The following SOX6 variants were observed in gnomAD, a reference collection of about 807,000 sequenced individuals.
SOX6 encodes transcription factor SOX-6.
In SOX6, 11 loss-of-function variants were observed where a neutral mutation model predicts 97.8. The ratio of observed to expected loss-of-function variants is 0.11; its 90% CI spans 0.07 to 0.19. The LOEUF (loss-of-function observed/expected upper bound fraction) is 0.19, where lower values mean the gene tolerates loss of function less well. Among genes scored for constraint, SOX6 ranks in the 10% least tolerant of loss-of-function variants. The pLI is 1.00. For missense variants in SOX6, 810 were observed against 1,039.5 expected (o/e 0.78, Z 3.04); for synonymous variants, 360 against 371.4 (o/e 0.97, Z 0.35).
chr11:16,525,121 G>GA (rs1462516012), intron 4 of SOX6, among the ~76,000 whole-genome samples: 1 of 152,052 alleles, frequency 6.6e-6, no homozygotes, highest in Non-Finnish European at 1.5e-5. Context: ...CACAGAATTG[G>GA]AAAAAACTAC....
chr11:16,367,784 A>G (rs532583643), intron 1 of SOX6, among the ~76,000 whole-genome samples: 6 of 152,328 alleles, frequency 3.9e-5, no homozygotes, highest in African/African-American at 1.4e-4. Flanking sequence ...ATTAGCATAA[A>G]GAGAAACTGT....
intron 1 of SOX6, among the ~76,000 whole-genome samples, chr11:16,442,276 T>C (rs1445054236): frequency 6.6e-6 from 1 of 152,210 alleles, no homozygotes; most frequent in Non-Finnish European, 1.5e-5. Context: ...GAAGAAATTA[T>C]AGTTTCTCTA....
intron 2 of SOX6, among the ~76,000 whole-genome samples, chr11:16,720,237 T>G (rs1412108955): frequency 3.4e-5 from 5 of 149,250 alleles, no homozygotes; most frequent in Non-Finnish European, 4.4e-5. Context: ...TAAAGACACA[T>G]GCACACGTAT....
chr11:16,063,515 TATATA>T (rs1165496402), intron 9 of SOX6, among the ~76,000 whole-genome samples: 3 of 51,280 alleles, frequency 5.9e-5, no homozygotes, highest in Non-Finnish European at 1.1e-4. Flanking sequence ...TATATATATA[TATATA>T]TATATATATA....
At chr11:16,152,536 A>G (rs894168019) in intron 6 of SOX6, among the ~76,000 whole-genome samples, 2 of 152,226 alleles carry the variant, frequency 1.3e-5, no homozygotes, top group Non-Finnish European at 2.9e-5. Flanking sequence ...TTAAAGCCAG[A>G]GAACACCCTT....
chr11:16,548,904 C>T (rs918800921), intron 4 of SOX6, among the ~76,000 whole-genome samples: 8 of 151,702 alleles, frequency 5.3e-5, no homozygotes, highest in African/African-American at 1.9e-4. Flanking sequence ...ATAACGTATA[C>T]ATATTTCAAA....
At chr11:16,046,141 A>T (rs147613854) in intron 12 of SOX6, among the ~76,000 whole-genome samples, 3 of 152,310 alleles carry the variant, frequency 2.0e-5, no homozygotes, top group African/African-American at 7.2e-5. Context: ...ATGGTGAGTC[A>T]TGGTAACATA....
In SOX6 at chr11:16,214,819, G is replaced by A. The variant is rs1044163855; in HGVS notation, c.535+19763C>T. Reference sequence around the variant, plus strand: ...AGCTGGAGTGAAGTGGCACCATCTCGGCTCACTGCAACCTCCGCCCCCTGG... The same window carrying A: ...AGCTGGAGTGAAGTGGCACCATCTCAGCTCACTGCAACCTCCGCCCCCTGG... On this transcript the variant is annotated intron_variant, in intron 4 of 15. Coordinates refer to ENST00000683767, the MANE Select transcript of SOX6 (RefSeq NM_001367873.1). 5.5e-5 allele frequency among the ~76,000 whole-genome samples: 8 copies of A among 146,510 alleles called. No individual in the cohort carries two copies. In the East Asian group the frequency reaches 6.1e-4, roughly 11 times the overall value.
At chr11:16,271,689 G>A (rs1229441085) in intron 3 of SOX6, among the ~76,000 whole-genome samples, 1 of 151,128 alleles carries the variant, frequency 6.6e-6, no homozygotes, top group East Asian at 1.9e-4. Context: ...ATATTTTTCT[G>A]TAATTTAATT....
intron 1 of SOX6, among the ~76,000 whole-genome samples, chr11:16,409,824 C>A (rs903128484): frequency 6.1e-5 from 2 of 32,870 alleles, no homozygotes; most frequent in Non-Finnish European, 6.1e-5. Flanking sequence ...TGTCTTTCCT[C>A]GGTTTAAAAA....
chr11:16,302,478 C>T (rs988258298), intron 3 of SOX6, among the ~76,000 whole-genome samples: 4 of 151,472 alleles, frequency 2.6e-5, no homozygotes, highest in South Asian at 4.2e-4. Context: ...CAAAATCTAG[C>T]TCGAATGTCA....
intron 1 of SOX6, among the ~76,000 whole-genome samples, chr11:16,475,582 G>T (rs1012681233): frequency 6.6e-6 from 1 of 151,988 alleles, no homozygotes; most frequent in Non-Finnish European, 1.5e-5. Context: ...ACCTTATTTG[G>T]GCTTGTTTGG....
At chr11:16,284,616 C>T (rs569261801) in intron 3 of SOX6, among the ~76,000 whole-genome samples, 3 of 152,212 alleles carry the variant, frequency 2.0e-5, no homozygotes, top group Admixed American at 6.5e-5. Flanking sequence ...TAAACAAACA[C>T]GGTGCCCTTC....
intron 3 of SOX6, among the ~76,000 whole-genome samples, chr11:16,282,666 T>C (rs1854601381): frequency 6.6e-6 from 1 of 151,480 alleles, no homozygotes; most frequent in East Asian, 1.9e-4. Context: ...AGATATATAA[T>C]TCATTATTAT....
At chr11:16,374,268 A>T (rs563762371) in intron 1 of SOX6, among the ~76,000 whole-genome samples, 24 of 152,146 alleles carry the variant, frequency 1.6e-4, no homozygotes, top group African/African-American at 5.8e-4. Flanking sequence ...TGTAAAACCT[A>T]TTCCAAATGT....
intron 1 of SOX6, among the ~76,000 whole-genome samples, chr11:16,449,273 CCTT>C (rs1215957397): frequency 5.5e-5 from 7 of 126,904 alleles, no homozygotes; most frequent in African/African-American, 1.7e-4. Context: ...ATAAAATGCT[CCTT>C]CTTTTTTTTT....
At chr11:15,976,207 T>A (rs1386896740) in intron 15 of SOX6, among the ~76,000 whole-genome samples, 1 of 152,124 alleles carries the variant, frequency 6.6e-6, no homozygotes, top group Non-Finnish European at 1.5e-5. Context: ...CTGTGAGAGA[T>A]GATTTTTGCC....
intron 4 of SOX6, among the ~76,000 whole-genome samples, chr11:16,574,025 G>A (rs897634056): frequency 8.5e-5 from 13 of 152,070 alleles, no homozygotes; most frequent in Non-Finnish European, 1.9e-4. Flanking sequence ...TTAATATATT[G>A]AAAGATTCTA....
intron 11 of SOX6, among the ~76,000 whole-genome samples, chr11:16,047,257 A>G (rs1204929533): frequency 6.6e-6 from 1 of 152,090 alleles, no homozygotes; most frequent in Non-Finnish European, 1.5e-5. Flanking sequence ...GGCGGAAGGA[A>G]TTCACCGTAC....
Sources: allele counts gnomAD v4.1 joint callset (sites outside exome capture counted in the v4.1 genomes callset), GRCh38; gene constraint gnomAD v4.1.1; transcripts MANE v1.5; gene names NCBI Gene and HGNC (gene_info 2026-07-23, HGNC 2026-07-21).